The following ATE1 variants were observed in gnomAD, a reference collection of about 807,000 sequenced individuals.
ATE1 encodes arginyltransferase 1.
Under a neutral mutation model 70.5 loss-of-function variants are expected in ATE1, and 36 were observed. The ratio of observed to expected loss-of-function variants is 0.51; its 90% CI spans 0.39 to 0.67. ATE1 has a LOEUF of 0.67. Among genes scored for constraint, ATE1 ranks in the 30% least tolerant of loss-of-function variants. The pLI is 0.00. For synonymous variants in ATE1, 232 were observed against 219.3 expected, an observed-to-expected ratio of 1.06 and a Z score of -0.51; for missense variants, 593 against 629.5, an observed-to-expected ratio of 0.94 and a Z score of 0.62.
chr10:121,774,986 T>G (rs1945675337), intron 11 of ATE1, among the ~76,000 whole-genome samples: 1 of 152,198 alleles, frequency 6.6e-6, no homozygotes, highest in Non-Finnish European at 1.5e-5. Flanking sequence ...AGGTCACACC[T>G]TTCTCAAAAG....
At chr10:121,806,943 G>A (rs558595832) in intron 10 of ATE1, among the ~76,000 whole-genome samples, 1 of 152,252 alleles carries the variant, frequency 6.6e-6, no homozygotes, top group Admixed American at 6.5e-5. Context: ...CTACCAGCAT[G>A]CATTTGTGCT....
chr10:121,741,592 A>C lies in ATE1; in HGVS notation c.*2088T>G, dbSNP rs1189190448. ...TTTATGAATACCATTTTACATGCTA[A>C]TCACAAAGACAAATGGAGGGAAGAT... is the stretch of plus-strand genomic sequence containing the variant. On this transcript the variant is annotated 3_prime_UTR_variant, in exon 12 of 12. Coordinates refer to ENST00000224652, the MANE Select transcript of ATE1 (RefSeq NM_001001976.3). 1 of 152,234 alleles carries C rather than the reference A, an allele frequency of 6.6e-6. No individual in the cohort carries two copies. Among genetic ancestry groups the C allele is most frequent in the South Asian group, 2.1e-4 (1 of 4,836 alleles). The allele number at this position is 152,234 out of a possible 1,614,324, so 9.4% of individuals were successfully genotyped here. A position where few individuals can be genotyped will look rare whatever the true frequency, so the allele number is the denominator to read the frequency against.
intron 8 of ATE1, among the ~76,000 whole-genome samples, chr10:121,844,949 T>C (rs1948761922): frequency 1.3e-5 from 2 of 152,000 alleles, no homozygotes; most frequent in African/African-American, 4.8e-5. Flanking sequence ...CACTAGAAAG[T>C]CTATTGGGGC....
At chr10:121,928,299 T>G, upstream of ATE1, 1 of 1,502,758 alleles carries the variant, frequency 6.7e-7, no homozygotes, top group Non-Finnish European at 8.9e-7. Context: ...GCCGAGGGCC[T>G]GTGCGGGGCG....
intron 1 of ATE1, among the ~76,000 whole-genome samples, chr10:121,926,518 A>G (rs968404912): frequency 1.3e-5 from 2 of 152,236 alleles, no homozygotes; most frequent in African/African-American, 4.8e-5. Flanking sequence ...GAAAGGTTGC[A>G]GGCAGGTTTC....
At chr10:121,836,674 A>T (rs1445257334) in intron 10 of ATE1, 44 bp downstream of exon 10, 10 of 1,286,698 alleles carry the variant, frequency 7.8e-6, no homozygotes, top group African/African-American at 1.5e-5. Flanking sequence ...TGAGAGATTC[A>T]TTTTTCTATA....
chr10:121,921,379 A>C (rs768757778), intron 3 of ATE1, among the ~76,000 whole-genome samples: 3 of 151,280 alleles, frequency 2.0e-5, no homozygotes, highest in Non-Finnish European at 4.4e-5. Context: ...TATTAGGCCG[A>C]CTTGTCCCAG....
chr10:121,764,834 A>C (rs1000566133), intron 11 of ATE1, among the ~76,000 whole-genome samples: 3 of 152,176 alleles, frequency 2.0e-5, no homozygotes, highest in African/African-American at 7.2e-5. Flanking sequence ...TCAAATCATC[A>C]CTAATAACAA....
chr10:121,806,824 G>T (rs939546767), intron 10 of ATE1, among the ~76,000 whole-genome samples: 1 of 152,176 alleles, frequency 6.6e-6, no homozygotes, highest in Admixed American at 6.5e-5. Context: ...TCAGGTGAAC[G>T]TACACGGGTG....
rs67148443 is a variant in ATE1, at chr10:121,885,494, T to TG, written c.942+14371dup. On this transcript the variant is annotated intron_variant, in intron 7 of 11. Transcript: ENST00000224652. The stretch of plus-strand genomic sequence containing the variant: ...CTGAGACAGGAGAATAGCATAAACC[T>TG]GGGAGGTGGAGCTTGCAGTGAGCCA... Among the ~76,000 whole-genome samples the TG allele has an allele frequency of 8.3e-5, 11 of 133,086 alleles. 1 individual carries two copies. The highest frequency in any genetic ancestry group is 2.9e-4 in the African/African-American group (10 of 34,086). 87.3% of individuals were successfully genotyped at this position (133,086 alleles called of 152,430 possible). A position where few individuals can be genotyped will look rare whatever the true frequency, so the allele number is the denominator to read the frequency against.
At chr10:121,817,399 C>CTT (rs1947593841) in intron 10 of ATE1, among the ~76,000 whole-genome samples, 2 of 152,084 alleles carry the variant, frequency 1.3e-5, no homozygotes, top group South Asian at 4.2e-4. Flanking sequence ...ATTAGCCGGG[C>CTT]GCAGTGGCGG....
At chr10:121,801,931 T>TA (rs60193561) in intron 10 of ATE1, among the ~76,000 whole-genome samples, 3,408 of 137,812 alleles carry the variant, frequency 0.025, 110 homozygotes, top group African/African-American at 0.075. Context: ...TTTTTAAAGT[T>TA]AAAAAAAAAA....
At chr10:121,804,415 C>T (rs994632188) in intron 10 of ATE1, among the ~76,000 whole-genome samples, 3 of 151,912 alleles carry the variant, frequency 2.0e-5, no homozygotes, top group Admixed American at 6.6e-5. Context: ...TTAGAGATAC[C>T]GAAATAGCAT....
rs71022870 is a variant in ATE1, at chr10:121,811,951, CTTTTTTTTTT to C, written c.1258-21672_1258-21663del. Among the ~76,000 whole-genome samples, 4 of 74,736 alleles carry C rather than the reference CTTTTTTTTTT, an allele frequency of 5.4e-5. 1 individual carries two copies. In the East Asian group the frequency reaches 1.7e-3, roughly 31 times the overall value. 49.0% of individuals were successfully genotyped at this position (74,736 alleles called of 152,430 possible). On this transcript the variant is annotated intron_variant, in intron 10 of 11. Coordinates refer to ENST00000224652, the MANE Select transcript of ATE1 (RefSeq NM_001001976.3). The stretch of plus-strand genomic sequence containing the variant: ...CCTTCTATGAACCTTATTCCAAATT[CTTTTTTTTTT>C]TTTTTTTTTTTTTTTGAGACAGGGT...
chr10:121,759,548 CCT>C (rs1016178785), intron 11 of ATE1, among the ~76,000 whole-genome samples: 12 of 151,968 alleles, frequency 7.9e-5, no homozygotes, highest in Middle Eastern at 3.4e-3. Context: ...ACGGTGAAAC[CCT>C]GTCTCTACTA....
intron 7 of ATE1, among the ~76,000 whole-genome samples, chr10:121,877,278 T>C (rs1408436465): frequency 6.6e-6 from 1 of 152,146 alleles, no homozygotes; most frequent in Non-Finnish European, 1.5e-5. Flanking sequence ...ATTTTACAAG[T>C]ATGTTTAAGA....
At chr10:121,824,297 T>C (rs1348356811) in intron 10 of ATE1, among the ~76,000 whole-genome samples, 1 of 152,150 alleles carries the variant, frequency 6.6e-6, no homozygotes, top group East Asian at 1.9e-4. Context: ...AGTCCAGTAG[T>C]AGCAAAGTCA....
intron 7 of ATE1, among the ~76,000 whole-genome samples, chr10:121,875,484 T>TA (rs1444941257): frequency 6.6e-6 from 1 of 151,942 alleles, no homozygotes; most frequent in Non-Finnish European, 1.5e-5. Context: ...CTTGTATTTT[T>TA]AGTAGAGACG....
At chr10:121,856,656 C>T (rs563985978) in intron 8 of ATE1, among the ~76,000 whole-genome samples, 1 of 152,328 alleles carries the variant, frequency 6.6e-6, no homozygotes, top group African/African-American at 2.4e-5. Flanking sequence ...ATTGTTTACA[C>T]TATGCTGTAG....
Sources: gnomAD v4.1 joint callset for allele counts (sites outside exome capture counted in the v4.1 genomes callset) on GRCh38, gnomAD v4.1.1 for gene constraint, MANE v1.5 for transcripts, NCBI Gene and HGNC (gene_info 2026-07-23, HGNC 2026-07-21) for gene names.